METTL9: variants seen among roughly 807,000 people sequenced by gnomAD.
The protein encoded by METTL9 is protein-L-histidine N-pros-methyltransferase.
METTL9 carries 10 observed loss-of-function variants against 36.0 expected under a neutral mutation model. The observed-to-expected ratio is 0.28, with a 90% CI of 0.17 to 0.47. The LOEUF (loss-of-function observed/expected upper bound fraction) is 0.47. Among genes scored for constraint, METTL9 ranks in the 20% least tolerant of loss-of-function variants. METTL9 has a pLI of 0.99. For missense variants in METTL9, 246 were observed against 383.5 expected, an observed-to-expected ratio of 0.64 and a Z score of 3.00; for synonymous variants, 175 against 149.7, an observed-to-expected ratio of 1.17 and a Z score of -1.23.
chr16:21,643,413 T>C (rs568363350), intron 4 of METTL9: 11 of 640,584 alleles, frequency 1.7e-5, no homozygotes, highest in Non-Finnish European at 2.7e-5. Context: ...GGAAATAGTG[T>C]CTGCAGTTGA....
At chr16:21,640,810 C>T (rs1276685053) in intron 4 of METTL9, 1 of 150,322 alleles carries the variant, frequency 6.7e-6, no homozygotes, top group African/African-American at 2.4e-5. Flanking sequence ...GTATTACAAA[C>T]GTGCTTGTAA....
chr16:21,603,339 A>G (rs1405893169), intron 1 of METTL9, among the ~76,000 whole-genome samples: 4 of 151,984 alleles, frequency 2.6e-5, no homozygotes. Context: ...GGGCTTCACC[A>G]TGTTGGCCAG....
upstream of METTL9, among the ~76,000 whole-genome samples, chr16:21,598,329 CAG>C (rs1178080488): frequency 4.6e-5 from 6 of 131,082 alleles, 1 homozygote; most frequent in African/African-American, 1.8e-4. Context: ...AGCCTGGAGA[CAG>C]AGCGAGACTC....
intron 3 of METTL9, among the ~76,000 whole-genome samples, chr16:21,621,176 T>TGTG (rs1965684716): frequency 1.3e-5 from 2 of 149,598 alleles, no homozygotes; most frequent in African/African-American, 4.9e-5. Flanking sequence ...GTGTGTGTGT[T>TGTG]TTTGTGTGTT....
chr16:21,612,929 C>T (rs1198586696), intron 2 of METTL9, 94 bp downstream of exon 2: 3 of 1,080,072 alleles, frequency 2.8e-6, no homozygotes, highest in East Asian at 5.4e-5. Context: ...AGCATGTTGA[C>T]TACCTGAGCT....
At chr16:21,613,297 C>T (rs897411164) in intron 2 of METTL9, among the ~76,000 whole-genome samples, 1 of 149,730 alleles carries the variant, frequency 6.7e-6, no homozygotes, top group Non-Finnish European at 1.5e-5. Flanking sequence ...AATTCTCATG[C>T]CTCAGCCTCC....
chr16:21,626,347 A>G (rs1364779315), intron 4 of METTL9, among the ~76,000 whole-genome samples: 1 of 152,218 alleles, frequency 6.6e-6, no homozygotes, highest in Non-Finnish European at 1.5e-5. Context: ...GTCTTAAGGA[A>G]TAATGCCCGT....
upstream of METTL9, among the ~76,000 whole-genome samples, chr16:21,597,601 G>C (rs1259727414): frequency 6.6e-6 from 1 of 152,158 alleles, no homozygotes; most frequent in Non-Finnish European, 1.5e-5. Context: ...CTCAGCTACA[G>C]CTATGTGGTC....
chr16:21,653,552 G>C (rs1966633674), intron 4 of METTL9: 1 of 152,222 alleles, frequency 6.6e-6, no homozygotes, highest in Non-Finnish European at 1.5e-5. Context: ...AGAGTCACTG[G>C]GAGGGCTAGT....
upstream of METTL9, chr16:21,599,395 G>A (rs1179254429): frequency 9.3e-6 from 10 of 1,074,514 alleles, no homozygotes; most frequent in African/African-American, 1.7e-5. This position sits in a 1 kb window ranked among gnomAD's most constrained non-coding sequence, Gnocchi z 4.4. Context: ...CGCGCTCCGG[G>A]CGGATGCGCG....
intron 4 of METTL9, among the ~76,000 whole-genome samples, chr16:21,638,358 T>G (rs1966159938): frequency 6.6e-6 from 1 of 152,186 alleles, no homozygotes; most frequent in Non-Finnish European, 1.5e-5. Context: ...CTTTTCTGGA[T>G]GCTCAGATAG....
intron 4 of METTL9, chr16:21,640,687 A>T (rs1374184943): frequency 1.3e-5 from 2 of 151,180 alleles, no homozygotes; most frequent in Non-Finnish European, 2.9e-5. Context: ...GAATGGCATG[A>T]ACCCGGGAGG....
intron 1 of METTL9, among the ~76,000 whole-genome samples, chr16:21,607,751 G>A (rs902525223): frequency 4.6e-5 from 7 of 152,214 alleles, no homozygotes; most frequent in Non-Finnish European, 1.0e-4. Context: ...CCTCACAGTA[G>A]AGTGGGCGTG....
intron 4 of METTL9, among the ~76,000 whole-genome samples, chr16:21,642,625 G>GT (rs1966301914): frequency 6.6e-6 from 1 of 152,234 alleles, no homozygotes; most frequent in South Asian, 2.1e-4. Flanking sequence ...AGAAATACTT[G>GT]TTTTTTAATA....
chr16:21,598,307 C>A (rs1199436937), upstream of METTL9, among the ~76,000 whole-genome samples: 1 of 150,322 alleles, frequency 6.7e-6, no homozygotes, highest in Non-Finnish European at 1.5e-5. Flanking sequence ...CGAGATCGAG[C>A]CACTGCACTC....
chr16:21,655,837 TTAAGGTA>T lies in METTL9; in HGVS notation c.*408_*414del, dbSNP rs1253052191. On this transcript the variant is annotated 3_prime_UTR_variant, in exon 5 of 5. Coordinates refer to ENST00000358154, the MANE Select transcript of METTL9 (RefSeq NM_016025.5). ...GTCCATTCAATTCCAAATACTGGTTTTAAGGTATAGCCACTGATATTCTTTCATGTTT... is the reference window on the plus strand; with the variant it reads ...GTCCATTCAATTCCAAATACTGGTTTTAGCCACTGATATTCTTTCATGTTT... 1 of 164,544 alleles carries T rather than the reference TTAAGGTA, an allele frequency of 6.1e-6. No homozygotes were observed. Among genetic ancestry groups the T allele is most frequent in the African/African-American group, 2.4e-5 (1 of 41,772 alleles). 10.2% of individuals were successfully genotyped at this position (164,544 alleles called of 1,614,324 possible).
At chr16:21,615,201 A>T (rs980735671) in intron 2 of METTL9, among the ~76,000 whole-genome samples, 2 of 152,114 alleles carry the variant, frequency 1.3e-5, no homozygotes, top group African/African-American at 4.8e-5. Context: ...TCGAAATAGG[A>T]CAATGCTTCC....
At position 21,609,770 on chromosome 16, in the gene METTL9, G is replaced by T. The variant is rs900578407; in HGVS notation, c.166-2875G>T. Among the ~76,000 whole-genome samples the T allele has an allele frequency of 1.3e-5, 2 of 152,106 alleles. 1 individual carries two copies. The highest frequency in any genetic ancestry group is 3.8e-4 in the East Asian group (2 of 5,202). On this transcript the variant is annotated intron_variant, in intron 1 of 4. Transcript: ENST00000358154. Reference sequence around the variant, plus strand: ...TGGAGACACAGAATGAACAAAAATCGTGCAGGGCCTTATAAGCCATATTAA... The same window carrying T: ...TGGAGACACAGAATGAACAAAAATCTTGCAGGGCCTTATAAGCCATATTAA...
chr16:21,638,022 A>G (rs1046021774), intron 4 of METTL9, among the ~76,000 whole-genome samples: 14 of 152,220 alleles, frequency 9.2e-5, no homozygotes, highest in African/African-American at 3.4e-4. Context: ...ATCTAAACAG[A>G]AAGTTACAGC....
Sources: allele counts gnomAD v4.1 joint callset (sites outside exome capture counted in the v4.1 genomes callset), GRCh38; gene constraint gnomAD v4.1.1; non-coding constraint Gnocchi (gnomAD v3.1); transcripts MANE v1.5; gene names NCBI Gene and HGNC (gene_info 2026-07-23, HGNC 2026-07-21).